NEGR1: variants seen among roughly 807,000 people sequenced by gnomAD.
NEGR1 encodes the protein IgLON family member 4.
Under a neutral mutation model 40.9 loss-of-function variants are expected in NEGR1, and 10 were observed. The observed-to-expected ratio is 0.24, with a 90% confidence interval of 0.15 to 0.42. The LOEUF (loss-of-function observed/expected upper bound fraction) is 0.42, where lower values mean the gene tolerates loss of function less well. Ranked by LOEUF, NEGR1 falls within the 10% of genes least tolerant of loss-of-function variation. The pLI, the probability that NEGR1 is intolerant of heterozygous loss-of-function variation, is 1.00. For missense variants in NEGR1, 352 were observed against 438.9 expected, an observed-to-expected ratio of 0.80 and a Z score of 1.77; for synonymous variants, 185 against 166.8, an observed-to-expected ratio of 1.11 and a Z score of -0.84.
At chr1:71,981,924 T>C (rs545727023) in intron 1 of NEGR1, among the ~76,000 whole-genome samples, 2 of 152,286 alleles carry the variant, frequency 1.3e-5, no homozygotes, top group Admixed American at 6.5e-5. Context: ...TTGGCTCTTA[T>C]TTGGAAACAT....
At chr1:72,175,293 G>A (rs1652125703) in intron 1 of NEGR1, among the ~76,000 whole-genome samples, 1 of 152,162 alleles carries the variant, frequency 6.6e-6, no homozygotes, top group Non-Finnish European at 1.5e-5. Flanking sequence ...AGTGGATTCA[G>A]GTTATGCTTA....
chr1:71,463,164 T>C (rs1272059628), intron 6 of NEGR1, among the ~76,000 whole-genome samples: 1 of 152,164 alleles, frequency 6.6e-6, no homozygotes, highest in East Asian at 1.9e-4. Context: ...GTAAACATAA[T>C]ACTTAAGTAA....
intron 1 of NEGR1, among the ~76,000 whole-genome samples, chr1:72,162,187 C>G (rs1195032052): frequency 1.3e-5 from 2 of 151,914 alleles, no homozygotes; most frequent in Non-Finnish European, 2.9e-5. Flanking sequence ...TGCAGTGGCT[C>G]ACGCCTTTAA....
chr1:71,751,669 A>G (rs1655574842), intron 3 of NEGR1, among the ~76,000 whole-genome samples: 2 of 152,174 alleles, frequency 1.3e-5, no homozygotes, highest in South Asian at 4.2e-4. Flanking sequence ...AATCAATGGA[A>G]GCCCACAGGC....
chr1:71,425,125 C>T (rs1646420813), intron 6 of NEGR1, among the ~76,000 whole-genome samples: 1 of 151,858 alleles, frequency 6.6e-6, no homozygotes, highest in Non-Finnish European at 1.5e-5. Context: ...AAAAAAAAGA[C>T]ATGTCAAGAT....
chr1:72,243,590 G>A (rs1309564763), intron 1 of NEGR1, among the ~76,000 whole-genome samples: 1 of 151,606 alleles, frequency 6.6e-6, no homozygotes, highest in Non-Finnish European at 1.5e-5. Flanking sequence ...TGTCCAACCA[G>A]TCTTGATATT....
At chr1:71,490,826 C>T (rs938648428) in intron 6 of NEGR1, among the ~76,000 whole-genome samples, 1 of 152,038 alleles carries the variant, frequency 6.6e-6, no homozygotes, top group Non-Finnish European at 1.5e-5. Flanking sequence ...ACAGCTGAAA[C>T]ACTGGACAGA....
At chr1:71,893,867 A>G (rs2101853724) in intron 2 of NEGR1, among the ~76,000 whole-genome samples, 1 of 4,578 alleles carries the variant, frequency 2.2e-4, no homozygotes, top group East Asian at 7.5e-3. Flanking sequence ...TGTGGCACAT[A>G]TACACCATGG....
rs534861201 is a variant in NEGR1 at position 71,926,023 on chromosome 1, A to T, written c.409+9056T>A. Among the ~76,000 whole-genome samples, 9 of 152,270 alleles carry T rather than the reference A, an allele frequency of 5.9e-5. No individual in the cohort carries two copies. The East Asian group carries it at 1.7e-3, about 29-fold the overall frequency. ...ACTTTCCAATACAGATTTCACATGC[A>T]AAACTAAGAATTACTACCAAGAACA... On this transcript the variant is annotated intron_variant, in intron 2 of 6. Transcript: ENST00000357731.
intron 1 of NEGR1, among the ~76,000 whole-genome samples, chr1:72,226,290 A>G (rs17092477): frequency 0.022 from 3,416 of 152,070 alleles, 143 homozygotes; most frequent in African/African-American, 0.078. Flanking sequence ...TTTAAAATGT[A>G]AGAATATCAA....
chr1:71,931,803 A>C (rs946513310), intron 2 of NEGR1, among the ~76,000 whole-genome samples: 4 of 152,170 alleles, frequency 2.6e-5, no homozygotes, highest in African/African-American at 9.7e-5. Context: ...GGCAGTGTCT[A>C]TATTTCATGT....
At chr1:71,555,629 CA>C (rs1230204492) in intron 6 of NEGR1, among the ~76,000 whole-genome samples, 1 of 151,598 alleles carries the variant, frequency 6.6e-6, no homozygotes, top group Non-Finnish European at 1.5e-5. Context: ...CAAAGTGTGA[CA>C]TTTTTTCAAA....
intron 3 of NEGR1, among the ~76,000 whole-genome samples, chr1:71,744,349 A>AATAATG (rs1655315541): frequency 7.3e-6 from 1 of 136,426 alleles, no homozygotes; most frequent in Non-Finnish European, 1.5e-5. Context: ...TGTAAATAAT[A>AATAATG]ATAATAATAA....
chr1:71,421,052 C>T (rs1020517972), intron 6 of NEGR1, among the ~76,000 whole-genome samples: 2 of 151,996 alleles, frequency 1.3e-5, no homozygotes, highest in African/African-American at 4.8e-5. Flanking sequence ...GCTTTCTTCA[C>T]ATCTTTCATA....
chr1:71,802,611 T>C (rs1387045266), intron 2 of NEGR1, among the ~76,000 whole-genome samples: 1 of 152,154 alleles, frequency 6.6e-6, no homozygotes, highest in Non-Finnish European at 1.5e-5. Flanking sequence ...CTTAAGGCTA[T>C]GGAAGGGATG....
In NEGR1 at chr1:71,932,266, C is replaced by T. The variant is rs111353598; in HGVS notation, c.409+2813G>A. ...CCATTAAATCAAAGCAAATAATTGA[C>T]GTGGGATTTTTGTTATTTTTTTATT... On this transcript the variant is annotated intron_variant, in intron 2 of 6. Coordinates refer to ENST00000357731, the MANE Select transcript of NEGR1 (RefSeq NM_173808.3). Among the ~76,000 whole-genome samples, 13 of 151,720 alleles carry T rather than the reference C, an allele frequency of 8.6e-5. No homozygotes were observed. The East Asian group carries it at 1.7e-3, about 20-fold the overall frequency.
intron 2 of NEGR1, among the ~76,000 whole-genome samples, chr1:71,800,647 GT>G (rs1324343993): frequency 6.6e-6 from 1 of 152,014 alleles, no homozygotes; most frequent in African/African-American, 2.4e-5. Context: ...GGTAGCCTCT[GT>G]GTGCTTATGC....
At chr1:71,639,693 G>C (rs12143094) in intron 4 of NEGR1, among the ~76,000 whole-genome samples, 5,789 of 152,122 alleles carry the variant, frequency 0.038, 140 homozygotes, top group Non-Finnish European at 0.057. Flanking sequence ...TTGGGCCCCA[G>C]GCATTTGCGA....
chr1:72,047,663 G>A (rs893352052), intron 1 of NEGR1, among the ~76,000 whole-genome samples: 6 of 151,018 alleles, frequency 4.0e-5, no homozygotes, highest in Admixed American at 3.3e-4. Flanking sequence ...CAATTCACAA[G>A]AAATACTCCT....
Sources: gnomAD v4.1 joint callset for allele counts (sites outside exome capture counted in the v4.1 genomes callset) on GRCh38, gnomAD v4.1.1 for gene constraint, MANE v1.5 for transcripts, NCBI Gene and HGNC (gene_info 2026-07-23, HGNC 2026-07-21) for gene names.